Variants in MCM5 observed in about 807,000 individuals in gnomAD.
MCM5 encodes DNA replication licensing factor MCM5.
MCM5 carries 46 observed loss-of-function variants against 79.9 expected under a neutral mutation model. The observed-to-expected ratio is 0.58, with a 90% confidence interval of 0.45 to 0.74. The LOEUF (loss-of-function observed/expected upper bound fraction) is 0.74. Ranked by LOEUF, MCM5 falls within the 30% of genes least tolerant of loss-of-function variation. The pLI is 0.00. For missense variants in MCM5, 883 were observed against 1,017.0 expected (o/e 0.87, Z 1.79); for synonymous variants, 404 against 390.5 (o/e 1.03, Z -0.41).
intron 7 of MCM5, 120 bp downstream of exon 7, chr22:35,411,030 A>C: frequency 1.2e-6 from 1 of 851,406 alleles, no homozygotes; most frequent in Non-Finnish European, 1.8e-6. Flanking sequence ...TGCTCATATC[A>C]TTAGAACGTT....
intron 5 of MCM5, 91 bp from the exon 6 acceptor site, chr22:35,408,317 C>A: frequency 7.8e-7 from 1 of 1,285,998 alleles, no homozygotes; most frequent in Non-Finnish European, 1.1e-6. Context: ...TTGCCGCTGG[C>A]AACGTCTCCT....
At chr22:35,433,460 CT>C in the MCM5 span, among the ~76,000 whole-genome samples, 1 of 152,350 alleles carries the variant, frequency 6.6e-6, no homozygotes, top group Non-Finnish European at 1.5e-5. Context: ...GGGGCTTCCC[CT>C]GGGTCAGAAC....
the MCM5 span, among the ~76,000 whole-genome samples, chr22:35,436,793 CACAA>C: frequency 6.6e-6 from 1 of 150,792 alleles, no homozygotes; most frequent in East Asian, 1.9e-4. Context: ...ACCCGACCTT[CACAA>C]ACAAATGAGA....
the MCM5 span, among the ~76,000 whole-genome samples, chr22:35,438,101 C>CCCCAT: frequency 6.6e-6 from 1 of 152,120 alleles, no homozygotes; most frequent in Non-Finnish European, 1.5e-5. Context: ...TCTTAGGAAA[C>CCCCAT]CCCATCCCTA....
the MCM5 span, among the ~76,000 whole-genome samples, chr22:35,449,885 G>A: frequency 6.6e-6 from 1 of 152,152 alleles, no homozygotes; most frequent in Admixed American, 6.5e-5. Flanking sequence ...GGGCTGAAGT[G>A]GACCTCCTGC....
chr22:35,436,496 C>T, the MCM5 span, among the ~76,000 whole-genome samples: 1 of 152,192 alleles, frequency 6.6e-6, no homozygotes, highest in Non-Finnish European at 1.5e-5. Flanking sequence ...GGGGGCTTCA[C>T]GTTTTCTATG....
At chr22:35,408,706 C>CAA in intron 6 of MCM5, 143 bp downstream of exon 6, 5 of 785,772 alleles carry the variant, frequency 6.4e-6, no homozygotes, top group Non-Finnish European at 9.8e-6. Context: ...CTGCTCTGTG[C>CAA]CTAATGCTTC....
rs60538141 is a variant in MCM5, at chr22:35,418,659, C to CA, written c.1703+815dup. On this transcript the variant is annotated intron_variant, in intron 13 of 16. Coordinates refer to ENST00000216122, the MANE Select transcript of MCM5 (RefSeq NM_006739.4). Reference sequence around the variant, plus strand: ...TGGGCAACAGAGTGAGACTCTGTCTCAAAAAAAAAAAATATATATATATGT... The same window carrying CA: ...TGGGCAACAGAGTGAGACTCTGTCTCAAAAAAAAAAAAATATATATATATGT... Among the ~76,000 whole-genome samples, 238 of 121,146 alleles carry CA rather than the reference C, an allele frequency of 2.0e-3. 1 individual carries two copies. The highest frequency in any genetic ancestry group is 6.8e-3 in the African/African-American group (189 of 27,868). 79.5% of individuals were successfully genotyped at this position (121,146 alleles called of 152,430 possible). A position where few individuals can be genotyped will look rare whatever the true frequency, so the allele number is the denominator to read the frequency against.
At chr22:35,446,813 C>G in the MCM5 span, among the ~76,000 whole-genome samples, 6 of 130,774 alleles carry the variant, frequency 4.6e-5, no homozygotes, top group Non-Finnish European at 8.1e-5. Flanking sequence ...TCACCCAAAT[C>G]CTTTCTGAGA....
intron 1 of MCM5, 49 bp from the exon 2 acceptor site, chr22:35,400,382 G>A: frequency 6.2e-7 from 1 of 1,607,854 alleles, no homozygotes; most frequent in Non-Finnish European, 8.5e-7. Flanking sequence ...AGGGGAGGAG[G>A]TGCCAGGCGC....
At chr22:35,427,499 T>G (rs1932785733), downstream of MCM5, among the ~76,000 whole-genome samples, 1 of 151,470 alleles carries the variant, frequency 6.6e-6, no homozygotes. Flanking sequence ...TTAACACATT[T>G]TTTTTTTTTT....
the MCM5 span, among the ~76,000 whole-genome samples, chr22:35,432,779 C>G: frequency 6.6e-6 from 1 of 150,954 alleles, no homozygotes; most frequent in Non-Finnish European, 1.5e-5. Flanking sequence ...GGCCAGGCAG[C>G]GCTGTGTGAG....
At chr22:35,438,313 G>A in the MCM5 span, among the ~76,000 whole-genome samples, 6 of 70,034 alleles carry the variant, frequency 8.6e-5, no homozygotes, top group African/African-American at 4.4e-4. Context: ...CTATTCATCC[G>A]TTCATCCGTC....
intron 5 of MCM5, among the ~76,000 whole-genome samples, chr22:35,408,095 GCT>G (rs1346343853): frequency 6.6e-6 from 1 of 152,174 alleles, no homozygotes; most frequent in Non-Finnish European, 1.5e-5. Context: ...TGATGAACTA[GCT>G]CTTCACCCAT....
rs764150043 is a variant in MCM5, at chr22:35,400,457, C to G, written c.19C>G (p.Pro7Ala). 1 of 1,614,086 alleles carries G rather than the reference C, an allele frequency of 6.2e-7. No individual in the cohort carries two copies. The highest frequency in any genetic ancestry group is 1.7e-5 in the Admixed American group (1 of 60,026). MSGFDD[P>A]GIFYSDSFGG... ...CGCAGTCATGTCGGGATTCGACGAT[C>G]CTGGCATTTTCTACAGCGACAGCTT... The change falls in exon 2 of 17, where the codon CCT (proline) becomes GCT (alanine). Residue 7 changes from proline (P) to alanine (A), a missense_variant. By Grantham distance (27) the Pro-to-Ala change is conservative. This residue lies in a region of MCM5 where 455 missense variants were observed against 517.5 expected (regional missense o/e 0.88). Coordinates refer to ENST00000216122, the MANE Select transcript of MCM5 (RefSeq NM_006739.4).
At position 35,416,380 on chromosome 22, in the gene MCM5, G is replaced by A; in HGVS notation, c.1389G>A (p.Glu463=). Residue 463 remains glutamate (E), a synonymous_variant, in exon 11 of 17, where the codon GAG becomes GAA. Coordinates refer to ENST00000216122, the MANE Select transcript of MCM5 (RefSeq NM_006739.4). Reference sequence around the variant, plus strand: ...GTGTGGCAATCCACGAAGCCATGGAGCAGCAGACCATCTCTATCGCCAAGG... The same window carrying A: ...GTGTGGCAATCCACGAAGCCATGGAACAGCAGACCATCTCTATCGCCAAGG... ...DDRVAIHEAM[E]QQTISIAKAG... The A allele has an allele frequency of 6.2e-7, 1 of 1,613,112 alleles. No homozygotes were observed. The highest frequency in any genetic ancestry group is 1.3e-5 in the African/African-American group (1 of 74,296).
chr22:35,406,589 A>G lies in MCM5; in HGVS notation c.460A>G (p.Ile154Val). 1 of 1,613,870 alleles carries G rather than the reference A, an allele frequency of 6.2e-7. No individual in the cohort carries two copies. The highest frequency in any genetic ancestry group is 8.5e-7 in the Non-Finnish European group (1 of 1,179,982). ...MMSHLVKIPG[I>V]IIAASAVRAK... The stretch of plus-strand genomic sequence containing the variant: ...GTCACACCTGGTGAAGATCCCTGGC[A>G]TCATCATCGCGGCCTCTGCGGTCCG... Residue 154 changes from isoleucine (I) to valine (V), a missense_variant, in exon 5 of 17, where the codon ATC becomes GTC. By Grantham distance (29) the Ile-to-Val change is conservative. Transcript: ENST00000216122.
At chr22:35,415,802 G>A (rs757522248) in intron 9 of MCM5, 27 bp from the exon 10 acceptor site, 14 of 1,602,396 alleles carry the variant, frequency 8.7e-6, no homozygotes, top group Non-Finnish European at 1.2e-5. Flanking sequence ...GTTGTTATTG[G>A]GCCCTGACAC....
intron 6 of MCM5, 128 bp from the exon 7 acceptor site, chr22:35,410,616 C>T (rs754175470): frequency 6.9e-6 from 6 of 872,882 alleles, no homozygotes; most frequent in Admixed American, 1.7e-5. Flanking sequence ...GGAGCCAGCT[C>T]AGCATGTGGT....
Sources: allele counts gnomAD v4.1 joint callset (sites outside exome capture counted in the v4.1 genomes callset), GRCh38; gene constraint gnomAD v4.1.1; regional missense constraint gnomAD v4.1.1; transcripts MANE v1.5; gene names NCBI Gene and HGNC (gene_info 2026-07-23, HGNC 2026-07-21).